The following DAB1 variants were observed in gnomAD, a reference collection of about 807,000 sequenced individuals.
DAB1 encodes disabled homolog 1.
Under a neutral mutation model 64.6 loss-of-function variants are expected in DAB1, and 15 were observed. The observed-to-expected ratio is 0.23, with a 90% CI of 0.16 to 0.36. DAB1 has a LOEUF of 0.36. DAB1 is among the 10% of genes least tolerant of loss of function. DAB1 has a pLI of 1.00. For synonymous variants in DAB1, 235 were observed against 251.9 expected, an observed-to-expected ratio of 0.93 and a Z score of 0.64; for missense variants, 596 against 706.7, an observed-to-expected ratio of 0.84 and a Z score of 1.78.
rs534183110 is a variant in DAB1, at chr1:57,846,611, T to G, written n.88-20156A>C. On this transcript the variant is annotated intron_variant and non_coding_transcript_variant, in intron 1 of 1. Coordinates refer to the DAB1 transcript ENST00000477280. ...TGATTTCATTATTTTATTCAGTCCT[T>G]ACTCTGAGGGAGACACATTACTGTT... Among the ~76,000 whole-genome samples, 6 of 152,310 alleles carry G rather than the reference T, an allele frequency of 3.9e-5. No individual in the cohort carries two copies. The East Asian group carries it at 1.2e-3, about 29-fold the overall frequency.
chr1:57,504,276 C>A (rs1570579335), intron 7 of DAB1, among the ~76,000 whole-genome samples: 1 of 152,074 alleles, frequency 6.6e-6, no homozygotes, highest in Admixed American at 6.5e-5. Context: ...GGAGAAATAG[C>A]TAATTCTAGG....
At chr1:57,993,274 A>T (rs935434582) in intron 5 of DAB1, among the ~76,000 whole-genome samples, 13 of 151,958 alleles carry the variant, frequency 8.6e-5, no homozygotes, top group African/African-American at 3.1e-4. Flanking sequence ...TCAATTTGTC[A>T]CTCTATTAAA....
chr1:58,426,392 G>T (rs956646174), intron 3 of DAB1, among the ~76,000 whole-genome samples: 1 of 152,190 alleles, frequency 6.6e-6, no homozygotes, highest in Admixed American at 6.5e-5. Context: ...ACACTATGCT[G>T]AAGACTGAGA....
chr1:57,563,477 G>A (rs58741705), intron 7 of DAB1, among the ~76,000 whole-genome samples: 5,000 of 152,202 alleles, frequency 0.033, 311 homozygotes, highest in African/African-American at 0.11. Flanking sequence ...AGCATGAGCC[G>A]AAGCAGGGTG....
chr1:58,314,282 G>T (rs1232162788), intron 4 of DAB1, among the ~76,000 whole-genome samples: 1 of 152,136 alleles, frequency 6.6e-6, no homozygotes, highest in Non-Finnish European at 1.5e-5. Context: ...GTCTGTTCTT[G>T]TTCTGATCTA....
chr1:57,650,163 G>A (rs1256051340), intron 6 of DAB1, among the ~76,000 whole-genome samples: 1 of 152,050 alleles, frequency 6.6e-6, no homozygotes, highest in African/African-American at 2.4e-5. Flanking sequence ...TTAGAGACAA[G>A]GTGTCACTCT....
intron 5 of DAB1, among the ~76,000 whole-genome samples, chr1:57,968,641 C>A (rs1033305451): frequency 6.6e-6 from 1 of 152,112 alleles, no homozygotes; most frequent in African/African-American, 2.4e-5. Context: ...TGTGCGTGTT[C>A]TTTAAGTCTC....
At chr1:58,084,777 TTA>T (rs1009777503) in intron 5 of DAB1, among the ~76,000 whole-genome samples, 1 of 149,022 alleles carries the variant, frequency 6.7e-6, no homozygotes, top group African/African-American at 2.4e-5. Context: ...ATATTACATA[TTA>T]TATATATATA....
intron 2 of DAB1, among the ~76,000 whole-genome samples, chr1:57,150,611 T>C (rs1192014846): frequency 1.3e-5 from 2 of 152,148 alleles, no homozygotes; most frequent in African/African-American, 4.8e-5. Flanking sequence ...CATATTTTGT[T>C]AAGCAATGTG....
chr1:57,510,775 C>T (rs1350550286), intron 7 of DAB1, among the ~76,000 whole-genome samples: 1 of 152,054 alleles, frequency 6.6e-6, no homozygotes, highest in Non-Finnish European at 1.5e-5. Flanking sequence ...TCTATCTCCA[C>T]TGTGTTTGAT....
chr1:57,487,850 A>G (rs1644111253), intron 7 of DAB1, among the ~76,000 whole-genome samples: 1 of 152,228 alleles, frequency 6.6e-6, no homozygotes. Context: ...CAACTTTTTA[A>G]CGCTGACTAA....
intron 7 of DAB1, among the ~76,000 whole-genome samples, chr1:57,435,702 C>T (rs1002325488): frequency 6.6e-6 from 1 of 152,112 alleles, no homozygotes; most frequent in Admixed American, 6.5e-5. Context: ...GAGCTGTTAT[C>T]TCCTATGATA....
At chr1:57,204,143 G>A (rs969338359) in intron 2 of DAB1, among the ~76,000 whole-genome samples, 1 of 152,112 alleles carries the variant, frequency 6.6e-6, no homozygotes, top group Non-Finnish European at 1.5e-5. Flanking sequence ...GCCCACCTTA[G>A]CTTCACAAAG....
At chr1:57,482,312 C>A (rs1045652241) in intron 7 of DAB1, among the ~76,000 whole-genome samples, 1 of 151,730 alleles carries the variant, frequency 6.6e-6, no homozygotes, top group Admixed American at 6.6e-5. Context: ...ACAGATCTCC[C>A]AAAGGCAAAT....
chr1:57,656,617 C>CA lies in DAB1; in HGVS notation n.552-6953dup, dbSNP rs928684404. ...GCCCAAAGTTCTCAAGCACAGCTCC[C>CA]AAAAAACCACAGAAATAAGCTGTTC... On this transcript the variant is annotated intron_variant and non_coding_transcript_variant, in intron 6 of 20. Coordinates refer to the DAB1 transcript ENST00000485760. Among the ~76,000 whole-genome samples, 9 of 152,162 alleles carry CA rather than the reference C, an allele frequency of 5.9e-5. No individual in the cohort carries two copies. In the South Asian group the frequency reaches 1.7e-3, roughly 28 times the overall value.
intron 7 of DAB1, among the ~76,000 whole-genome samples, chr1:57,560,362 T>G (rs1042043712): frequency 5.9e-5 from 9 of 152,240 alleles, no homozygotes; most frequent in African/African-American, 2.2e-4. Context: ...GACTTATTGG[T>G]GAGACATTTG....
intron 7 of DAB1, among the ~76,000 whole-genome samples, chr1:57,577,833 T>C (rs17469946): frequency 0.012 from 1,872 of 152,362 alleles, 16 homozygotes; most frequent in Non-Finnish European, 0.019. Context: ...CATCCTCTTT[T>C]AGTCCAGCTT....
At chr1:58,069,817 T>TA (rs1224796423) in intron 5 of DAB1, among the ~76,000 whole-genome samples, 1 of 152,256 alleles carries the variant, frequency 6.6e-6, no homozygotes, top group African/African-American at 2.4e-5. Flanking sequence ...ATGTACTAGA[T>TA]ATGTGGAGGG....
chr1:58,354,829 A>T (rs1644095042), intron 3 of DAB1, among the ~76,000 whole-genome samples: 1 of 152,290 alleles, frequency 6.6e-6, no homozygotes, highest in South Asian at 2.1e-4. Flanking sequence ...TGACACAGGT[A>T]TGGCTGCTGT....
Sources: gnomAD v4.1 joint callset for allele counts (sites outside exome capture counted in the v4.1 genomes callset) on GRCh38, gnomAD v4.1.1 for gene constraint, MANE v1.5 for transcripts, NCBI Gene and HGNC (gene_info 2026-07-23, HGNC 2026-07-21) for gene names.